LIMCH1: variants seen among roughly 807,000 people sequenced by gnomAD.
The protein encoded by LIMCH1 is LIM and calponin homology domains-containing protein 1.
In LIMCH1, 113 loss-of-function variants were observed where a neutral mutation model predicts 176.5. The observed-to-expected ratio is 0.64, with a 90% CI of 0.55 to 0.75. The LOEUF (loss-of-function observed/expected upper bound fraction) is 0.75. Among genes scored for constraint, LIMCH1 ranks in the 30% least tolerant of loss-of-function variants. LIMCH1 has a pLI of 0.00. For missense variants in LIMCH1, 1,674 were observed against 1,814.9 expected, an observed-to-expected ratio of 0.92 and a Z score of 1.41; for synonymous variants, 619 against 645.9, an observed-to-expected ratio of 0.96 and a Z score of 0.63.
chr4:41,639,786 C>T (rs139836793), intron 14 of LIMCH1, among the ~76,000 whole-genome samples: 1 of 152,206 alleles, frequency 6.6e-6, no homozygotes, highest in Admixed American at 6.5e-5. Flanking sequence ...TGATTAATAT[C>T]TAAATCCAGC....
intron 1 of LIMCH1, among the ~76,000 whole-genome samples, chr4:41,590,797 A>G (rs2087406691): frequency 6.6e-6 from 1 of 152,142 alleles, no homozygotes; most frequent in Non-Finnish European, 1.5e-5. Context: ...CCTGGCAAAT[A>G]AAAATGCATT....
intron 1 of LIMCH1, among the ~76,000 whole-genome samples, chr4:41,439,628 G>A (rs1395231987): frequency 6.6e-6 from 1 of 151,954 alleles, no homozygotes; most frequent in Non-Finnish European, 1.5e-5. Context: ...AAGTGGGCTG[G>A]GTGCAGTGTG....
At chr4:41,419,624 T>TCCTTCCTTTCTTCC (rs2060336574) in intron 1 of LIMCH1, among the ~76,000 whole-genome samples, 1 of 93,256 alleles carries the variant, frequency 1.1e-5, no homozygotes, top group Non-Finnish European at 2.0e-5. Context: ...CCTTCCTTCC[T>TCCTTCCTTTCTTCC]TCCTTCCTTC....
chr4:41,415,902 G>A (rs1008240820), intron 1 of LIMCH1, among the ~76,000 whole-genome samples: 6 of 152,034 alleles, frequency 3.9e-5, no homozygotes, highest in East Asian at 1.9e-4. Flanking sequence ...GCTTGAACCC[G>A]GGAGGTGGAG....
At chr4:41,685,973 A>G (rs1720430851) in intron 28 of LIMCH1, 143 bp downstream of exon 28, 1 of 852,780 alleles carries the variant, frequency 1.2e-6, no homozygotes, top group South Asian at 1.9e-5. Flanking sequence ...TTGACAAGGT[A>G]GTCAATATAA....
At chr4:41,582,609 G>T (rs2085698241) in intron 1 of LIMCH1, among the ~76,000 whole-genome samples, 1 of 152,156 alleles carries the variant, frequency 6.6e-6, no homozygotes, top group African/African-American at 2.4e-5. Flanking sequence ...GTGCCATTAA[G>T]CACGTTACAT....
In LIMCH1 at chr4:41,691,621, G is replaced by A. The variant is rs551332446; in HGVS notation, c.4276-661G>A. On this transcript the variant is annotated intron_variant, in intron 30 of 31. Transcript: ENST00000503057. ...AAAAAAAAAAAAAAAAAAATAGCCA[G>A]GCGTGGTGGCACACGCCTGTAATCC... Among the ~76,000 whole-genome samples the A allele has an allele frequency of 2.1e-4, 32 of 149,478 alleles. No individual in the cohort carries two copies. The East Asian group carries it at 5.9e-3, about 27-fold the overall frequency.
chr4:41,542,733 C>A (rs764934525), intron 1 of LIMCH1, among the ~76,000 whole-genome samples: 1 of 152,154 alleles, frequency 6.6e-6, no homozygotes, highest in African/African-American at 2.4e-5. Context: ...ATAGCAGCTT[C>A]CCTACTGCCA....
chr4:41,653,506 T>G (rs148694147), intron 18 of LIMCH1, among the ~76,000 whole-genome samples: 50 of 152,208 alleles, frequency 3.3e-4, no homozygotes, highest in African/African-American at 1.2e-3. Context: ...AGTGTTCTTC[T>G]TTTTAAATAG....
At chr4:41,655,333 G>C (rs761162609) in intron 18 of LIMCH1, among the ~76,000 whole-genome samples, 4 of 152,156 alleles carry the variant, frequency 2.6e-5, no homozygotes, top group Non-Finnish European at 4.4e-5. Flanking sequence ...TGTCTGTAGA[G>C]CACTTAGCAT....
intron 2 of LIMCH1, among the ~76,000 whole-genome samples, chr4:41,599,608 A>G (rs2089564976): frequency 6.6e-6 from 1 of 152,224 alleles, no homozygotes; most frequent in Non-Finnish European, 1.5e-5. Flanking sequence ...TACTTTGTGT[A>G]AAGAAATAGC....
chr4:41,628,854 G>A lies in LIMCH1; in HGVS notation c.1029-638G>A, dbSNP rs186686793. Among the ~76,000 whole-genome samples, 319 of 152,312 alleles carry A rather than the reference G, an allele frequency of 2.1e-3. 4 individuals are homozygous for A. Among genetic ancestry groups the A allele is most frequent in the African/African-American group, 7.1e-3 (294 of 41,566 alleles). On this transcript the variant is annotated intron_variant, in intron 8 of 31. Transcript: ENST00000503057. Reference sequence around the variant, plus strand: ...AGTGGGTATTGACCCTGTCAATCCAGGTAAAGAGGAATACCCTCTGCTTTT... The same window carrying A: ...AGTGGGTATTGACCCTGTCAATCCAAGTAAAGAGGAATACCCTCTGCTTTT...
In LIMCH1 at chr4:41,629,654, C is replaced by A; in HGVS notation, c.1191C>A (p.Pro397=). ...IQGSLAPHRE[P]PSFITLSNIT... ...GCAGCCTTGCCCCTCACCGCGAGCC[C>A]CCGAGCTTCATTACGCTCTCCAACA... Residue 397 remains proline (P), a synonymous_variant, in exon 9 of 32, where the codon CCC becomes CCA. Coordinates refer to ENST00000503057, the MANE Select transcript of LIMCH1 (RefSeq NM_001330672.2). 6.5e-7 allele frequency: 1 copy of A among 1,535,980 alleles called. No individual in the cohort carries two copies. The highest frequency in any genetic ancestry group is 8.7e-7 in the Non-Finnish European group (1 of 1,146,882).
intron 1 of LIMCH1, among the ~76,000 whole-genome samples, chr4:41,368,607 G>A (rs1410015608): frequency 6.6e-6 from 1 of 152,106 alleles, no homozygotes; most frequent in Non-Finnish European, 1.5e-5. Context: ...TTGAGAAAAG[G>A]GCTTGCGTTG....
intron 1 of LIMCH1, among the ~76,000 whole-genome samples, chr4:41,578,377 C>T (rs150585464): frequency 5.9e-5 from 9 of 152,308 alleles, no homozygotes; most frequent in Non-Finnish European, 7.4e-5. Context: ...TGGACCCTCC[C>T]TTGACATGTG....
chr4:41,488,080 A>G (rs773060144), intron 1 of LIMCH1, among the ~76,000 whole-genome samples: 2 of 152,202 alleles, frequency 1.3e-5, no homozygotes, highest in Non-Finnish European at 2.9e-5. Context: ...TGCTCAATAC[A>G]TGGAGAAAGG....
intron 1 of LIMCH1, among the ~76,000 whole-genome samples, chr4:41,366,883 G>A (rs1281153655): frequency 6.6e-6 from 1 of 151,678 alleles, no homozygotes; most frequent in African/African-American, 2.4e-5. Flanking sequence ...ACCTGAGACT[G>A]GGTAATTTAT....
In LIMCH1 at chr4:41,632,895, G is replaced by A. The variant is rs752052719; in HGVS notation, c.1720+28G>A. 17 of 1,527,648 alleles carry A rather than the reference G, an allele frequency of 1.1e-5. 1 individual carries two copies. Among genetic ancestry groups the A allele is most frequent in the East Asian group, 4.9e-5 (2 of 40,890 alleles). The allele number at this position is 1,527,648 out of a possible 1,614,324, so 94.6% of individuals were successfully genotyped here. On this transcript the variant is annotated intron_variant, in intron 11 of 31. Transcript: ENST00000503057. ...GAGGAGCAGTGTTTCCTGCCTTCCCGGGAGGTGAAGGAGGACAGGTGGGGT... is the reference window on the plus strand; with the variant it reads ...GAGGAGCAGTGTTTCCTGCCTTCCCAGGAGGTGAAGGAGGACAGGTGGGGT...
At chr4:41,416,250 T>C (rs909222316) in intron 1 of LIMCH1, among the ~76,000 whole-genome samples, 1 of 152,204 alleles carries the variant, frequency 6.6e-6, no homozygotes, top group Non-Finnish European at 1.5e-5. Flanking sequence ...GTTTCTGTAA[T>C]TTCAAAATGC....
Sources: gnomAD v4.1 joint callset for allele counts (sites outside exome capture counted in the v4.1 genomes callset) on GRCh38, gnomAD v4.1.1 for gene constraint, MANE v1.5 for transcripts, NCBI Gene and HGNC (gene_info 2026-07-23, HGNC 2026-07-21) for gene names.